The following SAMD3 variants were observed in gnomAD, a reference collection of about 807,000 sequenced individuals.
The protein encoded by SAMD3 is sterile alpha motif domain-containing protein 3.
Under a neutral mutation model 58.5 loss-of-function variants are expected in SAMD3, and 63 were observed. That is an observed-to-expected ratio of 1.08 (90% CI 0.88 to 1.33). SAMD3 has a LOEUF of 1.33. SAMD3 is among the 40% of genes most tolerant of loss of function. The pLI, the probability that SAMD3 is intolerant of heterozygous loss-of-function variation, is 0.00. For synonymous variants in SAMD3, 220 were observed against 210.3 expected (o/e 1.05, Z -0.40); for missense variants, 604 against 608.4 (o/e 0.99, Z 0.08).
chr6:130,176,397 C>A (rs919284777), intron 7 of SAMD3, among the ~76,000 whole-genome samples: 1 of 152,168 alleles, frequency 6.6e-6, no homozygotes, highest in South Asian at 2.1e-4. Flanking sequence ...CTGATAGTGG[C>A]TTATGGATTG....
intron 1 of SAMD3, among the ~76,000 whole-genome samples, chr6:130,355,508 C>T (rs575319089): frequency 8.5e-5 from 13 of 152,304 alleles, no homozygotes; most frequent in African/African-American, 3.1e-4. Context: ...ATGTACAACT[C>T]TTCCTTAATC....
At chr6:130,196,914 T>A (rs1794178473) in intron 5 of SAMD3, among the ~76,000 whole-genome samples, 1 of 152,170 alleles carries the variant, frequency 6.6e-6, no homozygotes, top group Admixed American at 6.5e-5. Flanking sequence ...CCTTCCCACC[T>A]CTCTACAGTC....
At chr6:130,296,755 C>T (rs1775583419) in intron 2 of SAMD3, among the ~76,000 whole-genome samples, 1 of 152,066 alleles carries the variant, frequency 6.6e-6, no homozygotes, top group Non-Finnish European at 1.5e-5. Context: ...GAGGGTCTGC[C>T]CTGAGCCCAT....
intron 2 of SAMD3, among the ~76,000 whole-genome samples, chr6:130,288,222 C>T (rs568298151): frequency 7.2e-5 from 11 of 152,298 alleles, no homozygotes; most frequent in Admixed American, 6.5e-4. Flanking sequence ...AAGGAGTTGG[C>T]TCACCATATT....
chr6:130,344,836 A>G (rs1330094282), intron 1 of SAMD3, among the ~76,000 whole-genome samples: 1 of 149,844 alleles, frequency 6.7e-6, no homozygotes, highest in Non-Finnish European at 1.5e-5. Flanking sequence ...AAAAAAAAAA[A>G]AAAAAAAAAA....
At chr6:130,294,261 A>G (rs1775481342) in intron 2 of SAMD3, among the ~76,000 whole-genome samples, 1 of 152,172 alleles carries the variant, frequency 6.6e-6, no homozygotes, top group Non-Finnish European at 1.5e-5. Flanking sequence ...ATTATACTAG[A>G]CTTCAAAAGG....
intron 2 of SAMD3, among the ~76,000 whole-genome samples, chr6:130,229,819 C>T (rs6927351): frequency 0.16 from 24,473 of 151,984 alleles, 2,168 homozygotes; most frequent in East Asian, 0.36. Context: ...GTAAATGAAC[C>T]GCATAGGGAG....
upstream of SAMD3, among the ~76,000 whole-genome samples, chr6:130,224,527 C>G (rs1796330924): frequency 6.6e-6 from 1 of 151,858 alleles, no homozygotes; most frequent in Non-Finnish European, 1.5e-5. Context: ...TTCTGCCAGC[C>G]CTAGGTTCAT....
Position 130,316,892 on chromosome 6 carries a change from A to G in SAMD3, c.-303-3799T>C, listed in dbSNP as rs1170890133. 2.0e-5 allele frequency among the ~76,000 whole-genome samples: 3 copies of G among 152,242 alleles called. No individual in the cohort carries two copies. In the South Asian group the frequency reaches 6.2e-4, roughly 31 times the overall value. ...AGCTTTTAGGATTTTGAAATTGCAG[A>G]CAAAATATTGTAAACCTGTATTATT... On this transcript the variant is annotated intron_variant, in intron 1 of 13. Coordinates refer to the SAMD3 transcript ENST00000368134.
At chr6:130,308,287 A>C (rs910114411) in intron 2 of SAMD3, among the ~76,000 whole-genome samples, 1 of 151,984 alleles carries the variant, frequency 6.6e-6, no homozygotes, top group African/African-American at 2.4e-5. Flanking sequence ...GATGCCTATA[A>C]ATTCTGGAGA....
chr6:130,149,232 A>G (rs1340940170), intron 9 of SAMD3, among the ~76,000 whole-genome samples: 2 of 152,196 alleles, frequency 1.3e-5, no homozygotes, highest in Non-Finnish European at 2.9e-5. Context: ...CCAGCTGTGA[A>G]TGGTCAGCCA....
chr6:130,203,988 A>T (rs770315187), intron 5 of SAMD3, among the ~76,000 whole-genome samples: 51 of 152,342 alleles, frequency 3.3e-4, no homozygotes, highest in Non-Finnish European at 6.9e-4. Flanking sequence ...CATTTGCCTT[A>T]ATCACTGAAC....
chr6:130,265,967 G>A (rs920806787), intron 2 of SAMD3, among the ~76,000 whole-genome samples: 2 of 152,092 alleles, frequency 1.3e-5, no homozygotes, highest in Admixed American at 6.5e-5. Flanking sequence ...AGGCTACTTG[G>A]ATTAAAAAAA....
intron 2 of SAMD3, among the ~76,000 whole-genome samples, chr6:130,236,384 CTT>C (rs777968481): frequency 1.4e-5 from 2 of 139,770 alleles, no homozygotes; most frequent in Non-Finnish European, 3.1e-5. Flanking sequence ...AAATGATTGA[CTT>C]TTTTTTTTTT....
intron 1 of SAMD3, among the ~76,000 whole-genome samples, chr6:130,347,688 T>C (rs368618908): frequency 2.2e-4 from 34 of 152,042 alleles, no homozygotes; most frequent in Non-Finnish European, 5.9e-5. Context: ...CCCAATCTAG[T>C]AAGGCAGGCC....
At chr6:130,265,860 C>T (rs1039858429) in intron 2 of SAMD3, among the ~76,000 whole-genome samples, 7 of 152,072 alleles carry the variant, frequency 4.6e-5, no homozygotes, top group African/African-American at 1.7e-4. Context: ...ATGTGGTTCT[C>T]TTAATTAAGA....
chr6:130,289,856 CAT>C (rs1208075584), intron 2 of SAMD3, among the ~76,000 whole-genome samples: 1 of 152,156 alleles, frequency 6.6e-6, no homozygotes, highest in African/African-American at 2.4e-5. Context: ...ATGGCAAACT[CAT>C]ATCCTTCCAG....
chr6:130,295,682 G>C (rs1245124912), intron 2 of SAMD3, among the ~76,000 whole-genome samples: 1 of 152,132 alleles, frequency 6.6e-6, no homozygotes, highest in African/African-American at 2.4e-5. Context: ...ATTAATCAGT[G>C]ATCCTTGTCC....
intron 2 of SAMD3, among the ~76,000 whole-genome samples, chr6:130,232,445 AT>A (rs1796573845): frequency 6.6e-6 from 1 of 152,154 alleles, no homozygotes; most frequent in African/African-American, 2.4e-5. Flanking sequence ...CTTTCCTAGT[AT>A]TTATTTGCAC....
Sources: allele counts gnomAD v4.1 joint callset (sites outside exome capture counted in the v4.1 genomes callset), GRCh38; gene constraint gnomAD v4.1.1; transcripts MANE v1.5; gene names NCBI Gene and HGNC (gene_info 2026-07-23, HGNC 2026-07-21).